SORCS3: variants seen among roughly 807,000 people sequenced by gnomAD.
SORCS3 encodes the protein VPS10 domain-containing receptor SorCS3.
Under a neutral mutation model 146.3 loss-of-function variants are expected in SORCS3, and 57 were observed. The observed-to-expected ratio is 0.39, with a 90% confidence interval of 0.31 to 0.49. SORCS3 has a LOEUF of 0.49. SORCS3 is among the 20% of genes least tolerant of loss of function. The probability of loss-of-function intolerance (pLI) is 0.92; values close to 1 mark genes in which losing one functional copy is unlikely to be tolerated. For missense variants in SORCS3, 1,341 were observed against 1,575.5 expected, an observed-to-expected ratio of 0.85 and a Z score of 2.52; for synonymous variants, 653 against 618.5, an observed-to-expected ratio of 1.06 and a Z score of -0.83.
intron 6 of SORCS3, among the ~76,000 whole-genome samples, chr10:105,103,362 G>T (rs1042260634): frequency 7.2e-5 from 11 of 152,154 alleles, no homozygotes; most frequent in Non-Finnish European, 1.2e-4. Context: ...GTCATACAAA[G>T]TTATTCAGGC....
At chr10:104,911,328 C>A (rs1237572156) in intron 2 of SORCS3, among the ~76,000 whole-genome samples, 2 of 152,204 alleles carry the variant, frequency 1.3e-5, no homozygotes. Context: ...ATGAGCAGAA[C>A]CTGCCAGAGG....
chr10:104,899,310 T>C (rs1320695124), intron 2 of SORCS3, among the ~76,000 whole-genome samples: 1 of 152,194 alleles, frequency 6.6e-6, no homozygotes, highest in Admixed American at 6.5e-5. Context: ...TTCAGGGAGA[T>C]TCCTGCCATA....
At chr10:105,054,807 A>G (rs1187070479) in intron 5 of SORCS3, among the ~76,000 whole-genome samples, 1 of 152,168 alleles carries the variant, frequency 6.6e-6, no homozygotes, top group Admixed American at 6.6e-5. Context: ...TTATAACACA[A>G]TAGAGTGTCT....
In SORCS3 at chr10:105,201,183, G is replaced by A. The variant is rs1478891925; in HGVS notation, c.2191G>A (p.Ala731Thr). Residue 731 changes from alanine (A) to threonine (T), a missense_variant, in exon 16 of 27, where the codon GCC becomes ACC. Transcript: ENST00000369701. ...FKKRKPGAQC[A>T]LGRDHSGSVV... is the part of the protein sequence containing the mutation. Reference sequence around the variant, plus strand: ...GAAACGTAAGCCAGGAGCTCAGTGTGCCCTGGGCCGAGACCACTCAGGATC... The same window carrying A: ...GAAACGTAAGCCAGGAGCTCAGTGTACCCTGGGCCGAGACCACTCAGGATC... 2 of 1,612,432 alleles carry A rather than the reference G, an allele frequency of 1.2e-6. No individual in the cohort carries two copies. The highest frequency in any genetic ancestry group is 1.1e-5 in the South Asian group (1 of 90,560).
intron 4 of SORCS3, among the ~76,000 whole-genome samples, chr10:105,032,084 C>G (rs890830806): frequency 1.3e-5 from 2 of 152,002 alleles, no homozygotes; most frequent in African/African-American, 4.8e-5. Context: ...CCCAGCTACT[C>G]GGGAGGCTGA....
At chr10:104,790,111 A>G (rs2133499395) in intron 1 of SORCS3, among the ~76,000 whole-genome samples, 1 of 152,366 alleles carries the variant, frequency 6.6e-6, no homozygotes, top group East Asian at 1.9e-4. Flanking sequence ...ACCAAGGTGC[A>G]GACCATATCT....
chr10:104,690,376 G>A (rs2016097654), intron 1 of SORCS3, among the ~76,000 whole-genome samples: 1 of 152,204 alleles, frequency 6.6e-6, no homozygotes, highest in Non-Finnish European at 1.5e-5. Context: ...CCACTGAGCG[G>A]TGAAGAATGT....
chr10:104,979,813 C>A (rs1180786514), intron 4 of SORCS3, among the ~76,000 whole-genome samples: 5 of 151,980 alleles, frequency 3.3e-5, no homozygotes, highest in Admixed American at 1.3e-4. Context: ...ACTTTAGAGG[C>A]TTAGTATAGC....
chr10:104,756,916 G>A (rs74155026), intron 1 of SORCS3, among the ~76,000 whole-genome samples: 2,841 of 152,184 alleles, frequency 0.019, 89 homozygotes, highest in African/African-American at 0.065. Flanking sequence ...TCTTCTGTCC[G>A]TTCCACCTGC....
chr10:105,135,332 C>T (rs972568823), intron 7 of SORCS3, among the ~76,000 whole-genome samples: 2 of 152,148 alleles, frequency 1.3e-5, no homozygotes, highest in Non-Finnish European at 2.9e-5. Flanking sequence ...TGGCTCCTCC[C>T]TTCAAATTGT....
chr10:105,135,700 G>A (rs2056054316), intron 7 of SORCS3, among the ~76,000 whole-genome samples: 1 of 152,082 alleles, frequency 6.6e-6, no homozygotes, highest in African/African-American at 2.4e-5. Flanking sequence ...AGATATCCTT[G>A]TACACCGCTT....
In SORCS3 at chr10:105,076,433, C is replaced by T. The variant is rs575172037; in HGVS notation, c.1029-13342C>T. On this transcript the variant is annotated intron_variant, in intron 5 of 26. Transcript: ENST00000369701. ...CATTCCTAATTGTTTTCCTTTAAGT[C>T]GTCTCTATGGCCTTTATAAACCTGT... Among the ~76,000 whole-genome samples, 4 of 152,118 alleles carry T rather than the reference C, an allele frequency of 2.6e-5. No homozygotes were observed. The South Asian group carries it at 6.2e-4, about 24-fold the overall frequency.
At chr10:105,074,120 G>T (rs1589619715) in intron 5 of SORCS3, among the ~76,000 whole-genome samples, 1 of 152,264 alleles carries the variant, frequency 6.6e-6, no homozygotes. Flanking sequence ...AAGAAATAAG[G>T]TGCCTGCCAC....
intron 7 of SORCS3, among the ~76,000 whole-genome samples, chr10:105,139,008 G>A (rs1377008): frequency 0.4 from 60,526 of 152,130 alleles, 12,337 homozygotes; most frequent in Middle Eastern, 0.48. Context: ...TGACAATTAT[G>A]TTATGGTTGG....
At chr10:104,827,388 A>G (rs898685947) in intron 1 of SORCS3, among the ~76,000 whole-genome samples, 2 of 152,214 alleles carry the variant, frequency 1.3e-5, no homozygotes, top group African/African-American at 4.8e-5. Flanking sequence ...TAAAAACAAC[A>G]TTAATATCTT....
intron 4 of SORCS3, among the ~76,000 whole-genome samples, chr10:105,026,879 A>T (rs1325158926): frequency 6.6e-6 from 1 of 152,164 alleles, no homozygotes; most frequent in African/African-American, 2.4e-5. Flanking sequence ...ATTGGGTGCT[A>T]TGCTCCCTGC....
intron 9 of SORCS3, among the ~76,000 whole-genome samples, chr10:105,152,443 T>G (rs2056174288): frequency 6.6e-6 from 1 of 152,198 alleles, no homozygotes; most frequent in Admixed American, 6.5e-5. Context: ...CCATACTAAT[T>G]TTCATAATAA....
intron 5 of SORCS3, among the ~76,000 whole-genome samples, chr10:105,067,198 AT>A (rs1211497157): frequency 3.9e-5 from 6 of 152,348 alleles, no homozygotes; most frequent in African/African-American, 1.4e-4. Context: ...CATATTATAT[AT>A]GATAAATATG....
chr10:105,252,293 A>G (rs1401553137), intron 22 of SORCS3, among the ~76,000 whole-genome samples: 1 of 152,230 alleles, frequency 6.6e-6, no homozygotes. Flanking sequence ...CCTTCAATGC[A>G]GTCTTACCAA....
Sources: gnomAD v4.1 joint callset for allele counts (sites outside exome capture counted in the v4.1 genomes callset) on GRCh38, gnomAD v4.1.1 for gene constraint, MANE v1.5 for transcripts, NCBI Gene and HGNC (gene_info 2026-07-23, HGNC 2026-07-21) for gene names.